The following ABCA13 variants were observed in gnomAD, a reference collection of about 807,000 sequenced individuals.
ABCA13 encodes the protein ATP binding cassette subfamily A member 13.
ABCA13 carries 476 observed loss-of-function variants against 478.7 expected under a neutral mutation model. That is an observed-to-expected ratio of 0.99 (90% CI 0.92 to 1.07). ABCA13 has a LOEUF of 1.07. Ranked by LOEUF, ABCA13 falls within the 50% of genes least tolerant of loss-of-function variation. The probability of loss-of-function intolerance (pLI) is 0.00; values close to 1 mark genes in which losing one functional copy is unlikely to be tolerated. For synonymous variants in ABCA13, 2,252 were observed against 2,158.9 expected (o/e 1.04, Z -1.20); for missense variants, 6,060 against 5,910.6 (o/e 1.03, Z -0.83).
intron 53 of ABCA13, 62 bp from the exon 54 acceptor site, chr7:48,524,186 T>G: frequency 2.1e-6 from 3 of 1,457,304 alleles, no homozygotes; most frequent in Non-Finnish European, 2.8e-6. Flanking sequence ...CCTTTTTGCC[T>G]CTTCTAGACT....
chr7:48,350,579 T>C (rs1808806053), intron 29 of ABCA13, 64 bp from the exon 30 acceptor site: 1 of 1,432,362 alleles, frequency 7.0e-7, no homozygotes, highest in African/African-American at 1.4e-5. Context: ...ATCTCCACTA[T>C]ATGAGTGGTA....
rs112115381 is a variant in ABCA13, at chr7:48,211,484, A to G, written c.288-7870A>G. Among the ~76,000 whole-genome samples, 816 of 152,284 alleles carry G rather than the reference A, an allele frequency of 5.4e-3. 6 individuals are homozygous for G. The highest frequency in any genetic ancestry group is 0.019 in the African/African-American group (777 of 41,574). On this transcript the variant is annotated intron_variant, in intron 3 of 61. Transcript: ENST00000435803. The stretch of plus-strand genomic sequence containing the variant: ...TCTGTTTCCCCTAATCAGAAGGAGT[A>G]TCTTTCCACACTGGGCTGCCTGGAA...
intron 27 of ABCA13, among the ~76,000 whole-genome samples, chr7:48,319,539 G>A (rs1233113870): frequency 6.6e-6 from 1 of 152,112 alleles, no homozygotes; most frequent in East Asian, 1.9e-4. Flanking sequence ...GTGTTGGAGT[G>A]GCCCATGCTA....
intron 44 of ABCA13, among the ~76,000 whole-genome samples, chr7:48,467,690 G>A (rs902942980): frequency 6.6e-6 from 1 of 152,078 alleles, no homozygotes; most frequent in African/African-American, 2.4e-5. Context: ...TGGTCTCAAG[G>A]AATTTACAGT....
At chr7:48,484,465 T>C (rs1829090533) in intron 47 of ABCA13, among the ~76,000 whole-genome samples, 1 of 152,254 alleles carries the variant, frequency 6.6e-6, no homozygotes, top group Non-Finnish European at 1.5e-5. Flanking sequence ...TATGAAAATA[T>C]ACCTAATTAG....
intron 42 of ABCA13, among the ~76,000 whole-genome samples, chr7:48,429,002 T>C (rs1477561422): frequency 6.6e-6 from 1 of 152,228 alleles, no homozygotes. Context: ...CTCTAATAGA[T>C]GTGCCTATTT....
chr7:48,424,581 C>T (rs1289891738), intron 41 of ABCA13, among the ~76,000 whole-genome samples: 1 of 152,148 alleles, frequency 6.6e-6, no homozygotes, highest in Non-Finnish European at 1.5e-5. Flanking sequence ...TTACTGATGA[C>T]GCTAAGTGAG....
intron 55 of ABCA13, among the ~76,000 whole-genome samples, chr7:48,550,148 C>T (rs1785175383): frequency 6.6e-6 from 1 of 151,870 alleles, no homozygotes; most frequent in Non-Finnish European, 1.5e-5. Context: ...GCAGATGAAG[C>T]ATAGCTAACA....
chr7:48,507,662 T>C (rs1831331739), intron 49 of ABCA13, among the ~76,000 whole-genome samples: 1 of 152,214 alleles, frequency 6.6e-6, no homozygotes, highest in African/African-American at 2.4e-5. Flanking sequence ...TCCTCAGTTT[T>C]GTCTTCTGTA....
chr7:48,516,415 T>G (rs1257019127), intron 51 of ABCA13, among the ~76,000 whole-genome samples: 2 of 152,144 alleles, frequency 1.3e-5, no homozygotes, highest in Non-Finnish European at 2.9e-5. Flanking sequence ...TGTCGCAGCA[T>G]GGCAGTGCTT....
chr7:48,605,358 G>A (rs1357778620), intron 58 of ABCA13, among the ~76,000 whole-genome samples: 3 of 152,138 alleles, frequency 2.0e-5, no homozygotes, highest in Admixed American at 1.3e-4. Context: ...TTTTTGCAGT[G>A]GCTGATACCA....
chr7:48,584,264 T>G (rs551958839), intron 56 of ABCA13, among the ~76,000 whole-genome samples: 101 of 152,316 alleles, frequency 6.6e-4, no homozygotes, highest in Non-Finnish European at 1.1e-3. Context: ...GATCTAAAAA[T>G]AACCAAAACA....
chr7:48,449,058 G>A (rs989629828), intron 42 of ABCA13, among the ~76,000 whole-genome samples: 1 of 152,120 alleles, frequency 6.6e-6, no homozygotes, highest in Non-Finnish European at 1.5e-5. Context: ...GGCCAGGCTG[G>A]TCTCGAACTC....
At chr7:48,618,343 C>G (rs1336511203) in intron 59 of ABCA13, among the ~76,000 whole-genome samples, 1 of 152,170 alleles carries the variant, frequency 6.6e-6, no homozygotes, top group Non-Finnish European at 1.5e-5. Context: ...CAGAGGACAC[C>G]AAATCCCATT....
intron 59 of ABCA13, among the ~76,000 whole-genome samples, chr7:48,618,892 A>G (rs987363606): frequency 1.3e-5 from 2 of 152,242 alleles, no homozygotes; most frequent in South Asian, 2.1e-4. Flanking sequence ...GGAATTGGCT[A>G]GCTCTGGGAG....
chr7:48,385,128 A>T (rs1242016611), intron 35 of ABCA13, among the ~76,000 whole-genome samples: 2 of 152,048 alleles, frequency 1.3e-5, no homozygotes, highest in Non-Finnish European at 2.9e-5. Context: ...GCTTCCCTTC[A>T]CTTTATGTAT....
Position 48,455,281 on chromosome 7 carries a change from T to TTCC in ABCA13, c.12811_12812insCCT (p.Phe4270_Phe4271insSer). Reference sequence around the variant, plus strand: ...ATTACCAGCGGGCCGAGACCTACTTTTTCAGGTAAGTTGTTTTTGTTCCTT... The same window carrying TTCC: ...ATTACCAGCGGGCCGAGACCTACTTTTCCTTCAGGTAAGTTGTTTTTGTTCCTT... On this transcript the variant is annotated inframe_insertion, in exon 43 of 62. Transcript: ENST00000435803. 1 of 1,602,008 alleles carries TTCC rather than the reference T, an allele frequency of 6.2e-7. No individual in the cohort carries two copies. Among genetic ancestry groups the TTCC allele is most frequent in the Non-Finnish European group, 8.5e-7 (1 of 1,173,586 alleles).
At chr7:48,607,447 T>C (rs937334356) in intron 58 of ABCA13, among the ~76,000 whole-genome samples, 2 of 152,166 alleles carry the variant, frequency 1.3e-5, no homozygotes, top group Non-Finnish European at 2.9e-5. Flanking sequence ...ACCTTCTGCG[T>C]CGATCTCTCT....
chr7:48,466,945 AT>A lies in ABCA13; in HGVS notation c.12816-10del. On this transcript the variant is annotated splice_polypyrimidine_tract_variant and intron_variant, in intron 43 of 61. Coordinates refer to ENST00000435803, the MANE Select transcript of ABCA13 (RefSeq NM_152701.5). ...CCCACTTTGTTTCCTTTGTCTCACA[AT>A]GAACAGCAGCAGTGGGGGCGACAAC... is the stretch of plus-strand genomic sequence containing the variant. 1 of 1,613,826 alleles carries A rather than the reference AT, an allele frequency of 6.2e-7. No individual in the cohort carries two copies. The highest frequency in any genetic ancestry group is 2.2e-5 in the East Asian group (1 of 44,880).
Sources: gnomAD v4.1 joint callset for allele counts (sites outside exome capture counted in the v4.1 genomes callset) on GRCh38, gnomAD v4.1.1 for gene constraint, MANE v1.5 for transcripts, NCBI Gene and HGNC (gene_info 2026-07-23, HGNC 2026-07-21) for gene names.